CADPS: variants seen among roughly 807,000 people sequenced by gnomAD.
CADPS encodes the protein calcium dependent secretion activator.
In CADPS, 57 loss-of-function variants were observed where a neutral mutation model predicts 167.3. The ratio of observed to expected loss-of-function variants is 0.34; its 90% CI spans 0.28 to 0.42. The LOEUF (loss-of-function observed/expected upper bound fraction) is 0.42. Ranked by LOEUF, CADPS falls within the 20% of genes least tolerant of loss-of-function variation. The probability of loss-of-function intolerance (pLI) is 1.00; values close to 1 mark genes in which losing one functional copy is unlikely to be tolerated. For missense variants in CADPS, 1,414 were observed against 1,738.1 expected (o/e 0.81, Z 3.32); for synonymous variants, 676 against 635.3 (o/e 1.06, Z -0.96).
chr3:62,689,638 C>A (rs1318792299), intron 3 of CADPS, among the ~76,000 whole-genome samples: 3 of 152,052 alleles, frequency 2.0e-5, no homozygotes, highest in Non-Finnish European at 4.4e-5. Context: ...GTTTGTATAA[C>A]CCTTTGGACG....
chr3:62,474,435 C>T (rs1258427501), intron 23 of CADPS, 115 bp from the exon 24 acceptor site: 3 of 915,212 alleles, frequency 3.3e-6, no homozygotes, highest in Non-Finnish European at 5.2e-6. Context: ...CAGTTTCAGT[C>T]AACAATGACT....
intron 17 of CADPS, among the ~76,000 whole-genome samples, chr3:62,509,139 C>A (rs186625041): frequency 6.6e-6 from 1 of 151,840 alleles, no homozygotes; most frequent in African/African-American, 2.4e-5. Context: ...CCCATCTCTA[C>A]TAAAAATACA....
At chr3:62,614,981 A>G (rs1178998697) in intron 6 of CADPS, among the ~76,000 whole-genome samples, 1 of 152,234 alleles carries the variant, frequency 6.6e-6, no homozygotes, top group East Asian at 1.9e-4. Context: ...AGTGTCAGAT[A>G]CCATTGAGAG....
intron 1 of CADPS, among the ~76,000 whole-genome samples, chr3:62,859,762 G>C (rs1026360062): frequency 6.6e-6 from 1 of 152,176 alleles, no homozygotes; most frequent in East Asian, 1.9e-4. Context: ...ATGGAAAAAT[G>C]CTGGAGCAAA....
At chr3:62,594,129 T>G (rs574121902) in intron 6 of CADPS, among the ~76,000 whole-genome samples, 1 of 150,296 alleles carries the variant, frequency 6.7e-6, no homozygotes, top group Non-Finnish European at 1.5e-5. Context: ...TGATTTTTTT[T>G]ATTTTTTTTA....
At chr3:62,530,780 G>A in intron 13 of CADPS, 4 of 1,286,180 alleles carry the variant, frequency 3.1e-6, no homozygotes, top group Non-Finnish European at 4.1e-6. Flanking sequence ...TGTATTTGGT[G>A]GCAGCCCACT....
chr3:62,469,646 T>G (rs2060348927), intron 24 of CADPS: 2 of 165,950 alleles, frequency 1.2e-5, no homozygotes. Flanking sequence ...TAGCTAGGAC[T>G]ACAGGTGTGC....
intron 2 of CADPS, among the ~76,000 whole-genome samples, chr3:62,759,886 T>C (rs1225353263): frequency 2.6e-5 from 4 of 152,220 alleles, no homozygotes; most frequent in African/African-American, 9.6e-5. Context: ...TTTTACCTTC[T>C]TTGAGGCAAG....
intron 1 of CADPS, among the ~76,000 whole-genome samples, chr3:62,830,381 C>G (rs892540672): frequency 2.0e-5 from 3 of 152,178 alleles, no homozygotes; most frequent in African/African-American, 7.2e-5. Context: ...AAGCTTTCTC[C>G]TAGTCCACTT....
At chr3:62,547,595 C>G (rs770403088) in intron 11 of CADPS, among the ~76,000 whole-genome samples, 1,521 of 112,660 alleles carry the variant, frequency 0.014, 137 homozygotes, top group South Asian at 0.069. Flanking sequence ...CGCCCCCCCC[C>G]CCCCGCAAAT....
intron 1 of CADPS, among the ~76,000 whole-genome samples, chr3:62,835,846 TTTACA>T (rs1205079643): frequency 2.0e-5 from 3 of 152,208 alleles, no homozygotes; most frequent in Admixed American, 6.5e-5. Flanking sequence ...ACTGAAACTG[TTTACA>T]TTAAATTATT....
chr3:62,468,343 AC>A (rs1264867949), intron 24 of CADPS, among the ~76,000 whole-genome samples: 1 of 152,156 alleles, frequency 6.6e-6, no homozygotes, highest in Non-Finnish European at 1.5e-5. Flanking sequence ...ATGGGAGTAA[AC>A]TAAATCAGAA....
intron 1 of CADPS, among the ~76,000 whole-genome samples, chr3:62,828,180 T>C (rs188730033): frequency 6.6e-6 from 1 of 152,230 alleles, no homozygotes; most frequent in African/African-American, 2.4e-5. Context: ...AGTTAAACCC[T>C]CCATTCCCCA....
chr3:62,439,519 T>C (rs1245860133), intron 27 of CADPS: 1 of 152,214 alleles, frequency 6.6e-6, no homozygotes, highest in Non-Finnish European at 1.5e-5. Context: ...GGTTCCATGA[T>C]GGTCCTATAA....
At chr3:62,724,677 T>C (rs1207902634) in intron 3 of CADPS, among the ~76,000 whole-genome samples, 1 of 152,150 alleles carries the variant, frequency 6.6e-6, no homozygotes, top group Non-Finnish European at 1.5e-5. Flanking sequence ...TAGCAATGCA[T>C]CAGTGAAAAC....
At chr3:62,426,771 A>C (rs373716249) in intron 28 of CADPS, among the ~76,000 whole-genome samples, 8 of 152,146 alleles carry the variant, frequency 5.3e-5, no homozygotes, top group African/African-American at 1.7e-4. Flanking sequence ...AAGTCCCTTG[A>C]AAAGTTGACA....
chr3:62,418,487 A>ATTTTTTTTTTTT (rs5849477), intron 28 of CADPS, among the ~76,000 whole-genome samples: 8 of 88,872 alleles, frequency 9.0e-5, no homozygotes, highest in South Asian at 4.0e-4. Flanking sequence ...ACCATGCCCT[A>ATTTTTTTTTTTT]TTTTTTTTTT....
At chr3:62,838,473 T>C (rs1261939680) in intron 1 of CADPS, among the ~76,000 whole-genome samples, 3 of 152,154 alleles carry the variant, frequency 2.0e-5, no homozygotes, top group African/African-American at 7.2e-5. Context: ...TCTTACACAG[T>C]TTTTAGGGAA....
At chr3:62,773,543 A>AACT (rs2089477423) in intron 1 of CADPS, among the ~76,000 whole-genome samples, 1 of 152,168 alleles carries the variant, frequency 6.6e-6, no homozygotes, top group South Asian at 2.1e-4. Context: ...TCAACTACTC[A>AACT]AATAATAATT....
Sources: gnomAD v4.1 joint callset for allele counts (sites outside exome capture counted in the v4.1 genomes callset) on GRCh38, gnomAD v4.1.1 for gene constraint, MANE v1.5 for transcripts, NCBI Gene and HGNC (gene_info 2026-07-23, HGNC 2026-07-21) for gene names.